The following SEMA3E variants were observed in gnomAD, a reference collection of about 807,000 sequenced individuals.
SEMA3E encodes semaphorin 3E.
A neutral mutation model predicts 93.6 loss-of-function variants in SEMA3E; 49 were observed. The observed-to-expected ratio is 0.52, with a 90% confidence interval of 0.42 to 0.66. SEMA3E has a LOEUF of 0.66. Among genes scored for constraint, SEMA3E ranks in the 30% least tolerant of loss-of-function variants. The pLI is 0.00. For missense variants in SEMA3E, 906 were observed against 964.8 expected (o/e 0.94, Z 0.81); for synonymous variants, 363 against 330.7 (o/e 1.10, Z -1.06).
rs1479568916 is a variant in SEMA3E at position 83,639,517 on chromosome 7, AG to A, written c.115+8910del. On this transcript the variant is annotated intron_variant, in intron 1 of 16. Transcript: ENST00000643230. Reference sequence around the variant, plus strand: ...ATTATAGCCTTTAGGAATGATTTGAAGTGAATTTATTCCATCCCCAAGGGTC... The same window carrying A: ...ATTATAGCCTTTAGGAATGATTTGAATGAATTTATTCCATCCCCAAGGGTC... Among the ~76,000 whole-genome samples the A allele has an allele frequency of 5.9e-5, 9 of 151,962 alleles. No homozygotes were observed. The East Asian group carries it at 1.7e-3, about 29-fold the overall frequency.
chr7:83,613,822 T>C (rs1401712721), intron 1 of SEMA3E, among the ~76,000 whole-genome samples: 1 of 152,150 alleles, frequency 6.6e-6, no homozygotes, highest in Non-Finnish European at 1.5e-5. Flanking sequence ...CTTAGTTTCC[T>C]AGTCATCCCT....
At chr7:83,535,861 A>G (rs751877955) in intron 1 of SEMA3E, among the ~76,000 whole-genome samples, 1 of 152,152 alleles carries the variant, frequency 6.6e-6, no homozygotes, top group East Asian at 1.9e-4. Flanking sequence ...TTAAAGCTGC[A>G]CTAAATGTGA....
chr7:83,447,411 G>A (rs573191731), intron 4 of SEMA3E, among the ~76,000 whole-genome samples: 8 of 152,124 alleles, frequency 5.3e-5, no homozygotes, highest in Admixed American at 2.0e-4. Flanking sequence ...GGTGGCGGGC[G>A]CCTGTAGTCC....
At chr7:83,404,224 A>C (rs1788285537) in intron 9 of SEMA3E, among the ~76,000 whole-genome samples, 1 of 151,964 alleles carries the variant, frequency 6.6e-6, no homozygotes, top group Non-Finnish European at 1.5e-5. Context: ...ATTGATAGAC[A>C]AATTGTTTCC....
chr7:83,544,408 C>T (rs1791602614), intron 1 of SEMA3E, among the ~76,000 whole-genome samples: 1 of 151,978 alleles, frequency 6.6e-6, no homozygotes, highest in Admixed American at 6.6e-5. Flanking sequence ...AAGTTAATGA[C>T]TATTTACTCA....
At chr7:83,610,448 A>T (rs142381310) in intron 1 of SEMA3E, among the ~76,000 whole-genome samples, 80 of 152,100 alleles carry the variant, frequency 5.3e-4, no homozygotes, top group African/African-American at 1.6e-3. Context: ...TGTCCCTTGA[A>T]TTTTTTAATC....
chr7:83,408,305 AT>A (rs1243918268), intron 6 of SEMA3E, 62 bp downstream of exon 6: 5 of 1,604,108 alleles, frequency 3.1e-6, no homozygotes, highest in Non-Finnish European at 4.3e-6. Flanking sequence ...AAATGGCAAC[AT>A]TTTCCGTAAG....
In SEMA3E at chr7:83,644,374, A is replaced by G. The variant is rs532769007; in HGVS notation, c.115+4054T>C. 9.9e-4 allele frequency among the ~76,000 whole-genome samples: 150 copies of G among 152,062 alleles called. 6 individuals carry two copies. In the South Asian group the frequency reaches 0.031, roughly 31 times the overall value. On this transcript the variant is annotated intron_variant, in intron 1 of 16. Coordinates refer to ENST00000643230, the MANE Select transcript of SEMA3E (RefSeq NM_012431.3). The stretch of plus-strand genomic sequence containing the variant: ...TAAGAGCAACTTTATCCTGTCTTCT[A>G]TATTAGCATTATCCTAGCACTTGTT...
At chr7:83,636,834 C>T (rs1793890732) in intron 1 of SEMA3E, among the ~76,000 whole-genome samples, 1 of 152,096 alleles carries the variant, frequency 6.6e-6, no homozygotes, top group Non-Finnish European at 1.5e-5. Flanking sequence ...TTGTTCATAA[C>T]ATCTTGCCCA....
intron 15 of SEMA3E, 120 bp downstream of exon 15, chr7:83,386,863 A>C: frequency 1.1e-6 from 1 of 895,136 alleles, no homozygotes; most frequent in East Asian, 2.7e-5. Context: ...AAGAATACTT[A>C]TTACATTGTT....
chr7:83,410,241 CAG>C (rs1213381463), intron 5 of SEMA3E, among the ~76,000 whole-genome samples: 1 of 151,792 alleles, frequency 6.6e-6, no homozygotes, highest in Non-Finnish European at 1.5e-5. Flanking sequence ...GTAAATGTGT[CAG>C]AGTGTTAACA....
intron 2 of SEMA3E, among the ~76,000 whole-genome samples, chr7:83,489,743 A>G (rs1445640713): frequency 1.0e-4 from 2 of 19,110 alleles, no homozygotes; most frequent in Non-Finnish European, 5.2e-4. Flanking sequence ...GAGGCCACAT[A>G]TTTAACATTT....
intron 1 of SEMA3E, among the ~76,000 whole-genome samples, chr7:83,630,355 C>T (rs1276001039): frequency 6.6e-6 from 1 of 152,128 alleles, no homozygotes; most frequent in Non-Finnish European, 1.5e-5. Flanking sequence ...ATGAGATTGT[C>T]ATATTAAATA....
At chr7:83,584,818 T>C (rs1455281661) in intron 1 of SEMA3E, among the ~76,000 whole-genome samples, 1 of 152,166 alleles carries the variant, frequency 6.6e-6, no homozygotes, top group Admixed American at 6.6e-5. Flanking sequence ...CAAAGCCCTT[T>C]CACTGGTCCC....
intron 1 of SEMA3E, among the ~76,000 whole-genome samples, chr7:83,630,580 A>G (rs1793767027): frequency 1.3e-5 from 2 of 152,298 alleles, no homozygotes; most frequent in Admixed American, 6.5e-5. Context: ...CTGAGATCAG[A>G]CATCCTTGTT....
chr7:83,412,770 A>AAAC (rs1276950499), intron 5 of SEMA3E, among the ~76,000 whole-genome samples: 2 of 151,824 alleles, frequency 1.3e-5, no homozygotes, highest in African/African-American at 4.8e-5. Context: ...ATAAAAAAAA[A>AAAC]AAAAAAAACA....
chr7:83,385,725 A>G (rs1393988914), intron 15 of SEMA3E, among the ~76,000 whole-genome samples: 2 of 152,136 alleles, frequency 1.3e-5, no homozygotes, highest in South Asian at 2.1e-4. Context: ...ACTCATGGAA[A>G]GTCTATTGCA....
intron 4 of SEMA3E, among the ~76,000 whole-genome samples, chr7:83,454,738 T>C (rs1395082584): frequency 6.6e-6 from 1 of 152,234 alleles, no homozygotes; most frequent in Non-Finnish European, 1.5e-5. Context: ...AAATATATTT[T>C]CAATATTTAC....
intron 2 of SEMA3E, among the ~76,000 whole-genome samples, chr7:83,481,195 T>C (rs1790138579): frequency 6.6e-6 from 1 of 152,100 alleles, no homozygotes; most frequent in South Asian, 2.1e-4. Flanking sequence ...GAAAAATGTC[T>C]ACGAGGATGT....
Sources: allele counts gnomAD v4.1 joint callset (sites outside exome capture counted in the v4.1 genomes callset), GRCh38; gene constraint gnomAD v4.1.1; transcripts MANE v1.5; gene names NCBI Gene and HGNC (gene_info 2026-07-23, HGNC 2026-07-21).